Variants in PKHD1 observed in about 807,000 individuals in gnomAD.
PKHD1 encodes PKHD1 ciliary IPT domain containing fibrocystin/polyductin, also known as fibrocystin.
PKHD1 carries 291 observed loss-of-function variants against 412.0 expected under a neutral mutation model. The ratio of observed to expected loss-of-function variants is 0.71; its 90% CI spans 0.64 to 0.78. The LOEUF (loss-of-function observed/expected upper bound fraction) is 0.78, where lower values mean the gene tolerates loss of function less well. PKHD1 is among the 30% of genes least tolerant of loss of function. The pLI is 0.00. For missense variants in PKHD1, 4,825 were observed against 4,950.7 expected, an observed-to-expected ratio of 0.97 and a Z score of 0.76; for synonymous variants, 1,777 against 1,821.5, an observed-to-expected ratio of 0.98 and a Z score of 0.62.
At chr6:51,686,775 T>A (rs531548774) in intron 60 of PKHD1, among the ~76,000 whole-genome samples, 3 of 152,292 alleles carry the variant, frequency 2.0e-5, no homozygotes, top group African/African-American at 7.2e-5. Context: ...TTGAATAAAC[T>A]TAATGCATCC....
intron 42 of PKHD1, 44 bp from the exon 43 acceptor site, chr6:51,903,771 A>G: frequency 6.4e-7 from 1 of 1,561,116 alleles, no homozygotes; most frequent in Non-Finnish European, 8.8e-7. Context: ...CATAATTAAA[A>G]TGTACTCAAC....
At chr6:51,677,272 T>C (rs1179427691) in intron 60 of PKHD1, among the ~76,000 whole-genome samples, 2 of 152,164 alleles carry the variant, frequency 1.3e-5, no homozygotes, top group Non-Finnish European at 1.5e-5. Context: ...TGTTAGACAG[T>C]GGCCCTTCAG....
chr6:52,048,637 CA>C lies in PKHD1; in HGVS notation c.2280-19del, dbSNP rs1238597511. On this transcript the variant is annotated intron_variant, in intron 22 of 66. Coordinates refer to ENST00000371117, the MANE Select transcript of PKHD1 (RefSeq NM_138694.4). Reference sequence around the variant, plus strand: ...GCACAGAGCTGTGGCACGTCAGAAACAAAGTATTAACGTCTGGGTTGGGGTG... The same window carrying C: ...GCACAGAGCTGTGGCACGTCAGAAACAAGTATTAACGTCTGGGTTGGGGTG... 1.9e-6 allele frequency: 3 copies of C among 1,613,822 alleles called. No homozygotes were observed. The highest frequency in any genetic ancestry group is 2.5e-6 in the Non-Finnish European group (3 of 1,179,952).
chr6:51,934,026 G>T, intron 37 of PKHD1, 84 bp downstream of exon 37: 1 of 1,074,698 alleles, frequency 9.3e-7, no homozygotes, highest in Non-Finnish European at 1.4e-6. Flanking sequence ...AGCAACTATA[G>T]TCAAGGACTT....
At chr6:51,947,308 C>G (rs1289946184) in intron 36 of PKHD1, among the ~76,000 whole-genome samples, 3 of 152,126 alleles carry the variant, frequency 2.0e-5, no homozygotes, top group African/African-American at 7.2e-5. Context: ...TTTAAAAAAT[C>G]CAATGTTTCT....
chr6:52,046,700 G>C (rs977156257), intron 23 of PKHD1, among the ~76,000 whole-genome samples: 2 of 152,170 alleles, frequency 1.3e-5, no homozygotes, highest in Non-Finnish European at 2.9e-5. Flanking sequence ...TTTTCTTTAA[G>C]CCCAACCACC....
intron 32 of PKHD1, 26 bp from the exon 33 acceptor site, chr6:52,022,970 T>C: frequency 6.2e-7 from 1 of 1,613,848 alleles, no homozygotes; most frequent in Non-Finnish European, 8.5e-7. Flanking sequence ...TACAAGTTCT[T>C]GATCATACAG....
At chr6:51,840,904 T>C (rs1369551131) in intron 50 of PKHD1, among the ~76,000 whole-genome samples, 1 of 152,208 alleles carries the variant, frequency 6.6e-6, no homozygotes, top group Admixed American at 6.5e-5. Flanking sequence ...TTAGTATCTA[T>C]ACATTGTAAA....
intron 52 of PKHD1, among the ~76,000 whole-genome samples, chr6:51,800,728 C>T (rs1366274352): frequency 2.0e-5 from 3 of 152,186 alleles, no homozygotes; most frequent in African/African-American, 7.2e-5. Flanking sequence ...TAATTTAGGG[C>T]AGGCAGACCC....
chr6:51,928,379 T>C (rs937299454), intron 37 of PKHD1, among the ~76,000 whole-genome samples: 2 of 149,770 alleles, frequency 1.3e-5, no homozygotes, highest in Admixed American at 1.3e-4. Flanking sequence ...CTATTCTGAG[T>C]CAGACTTCTG....
intron 37 of PKHD1, 25 bp from the exon 38 acceptor site, chr6:51,912,601 T>C (rs112103123): frequency 6.8e-7 from 1 of 1,471,540 alleles, no homozygotes; most frequent in South Asian, 1.1e-5. Context: ...GGAAAAGTTG[T>C]CCAGATAATT....
chr6:51,956,438 A>G (rs1027360172), intron 36 of PKHD1, among the ~76,000 whole-genome samples: 4 of 151,952 alleles, frequency 2.6e-5, no homozygotes, highest in Admixed American at 6.6e-5. Flanking sequence ...ACCCAGGACC[A>G]TTTACTTGTC....
At chr6:51,688,153 A>C (rs934589318) in intron 60 of PKHD1, among the ~76,000 whole-genome samples, 7 of 152,216 alleles carry the variant, frequency 4.6e-5, no homozygotes, top group African/African-American at 1.7e-4. Flanking sequence ...TCTGTTTATT[A>C]ATTCGTAAGC....
At chr6:51,779,652 CA>C (rs986083835) in intron 53 of PKHD1, among the ~76,000 whole-genome samples, 19 of 152,058 alleles carry the variant, frequency 1.2e-4, no homozygotes, top group Admixed American at 8.5e-4. Flanking sequence ...AGACTAATTT[CA>C]CCAGTAAATT....
At chr6:51,912,337 G>A (rs1783085950) in intron 38 of PKHD1, 29 bp downstream of exon 38, 2 of 1,426,284 alleles carry the variant, frequency 1.4e-6, no homozygotes, top group East Asian at 4.5e-5. Context: ...CTTCTTCCAT[G>A]TCAACTTAGC....
intron 47 of PKHD1, among the ~76,000 whole-genome samples, chr6:51,870,179 T>G (rs534127332): frequency 1.4e-4 from 22 of 152,256 alleles, no homozygotes; most frequent in African/African-American, 5.1e-4. Flanking sequence ...CTACTAGGCA[T>G]CTGGCTCTGT....
intron 52 of PKHD1, among the ~76,000 whole-genome samples, chr6:51,805,345 G>A (rs910790387): frequency 1.4e-4 from 15 of 109,140 alleles, no homozygotes; most frequent in East Asian, 3.6e-4. Context: ...CATGGACATA[G>A]AAATGAAAAT....
intron 35 of PKHD1, among the ~76,000 whole-genome samples, chr6:51,963,107 T>A (rs1227981995): frequency 6.6e-6 from 1 of 152,094 alleles, no homozygotes. Flanking sequence ...TAGGTGAAGA[T>A]ACAGGTGCTA....
chr6:51,897,057 G>A (rs1000093538), intron 43 of PKHD1, among the ~76,000 whole-genome samples: 1 of 151,148 alleles, frequency 6.6e-6, no homozygotes, highest in Non-Finnish European at 1.5e-5. Flanking sequence ...TGAAAGTGAT[G>A]GGGAGAATGG....
Sources: gnomAD v4.1 joint callset for allele counts (sites outside exome capture counted in the v4.1 genomes callset) on GRCh38, gnomAD v4.1.1 for gene constraint, MANE v1.5 for transcripts, NCBI Gene and HGNC (gene_info 2026-07-23, HGNC 2026-07-21) for gene names.